Variants in CA10 observed in about 807,000 individuals in gnomAD.
CA10 encodes carbonic anhydrase 10 (inactive), also known as carbonic anhydrase-related protein 10.
In CA10, 14 loss-of-function variants were observed where a neutral mutation model predicts 44.2. The ratio of observed to expected loss-of-function variants is 0.32; its 90% CI spans 0.21 to 0.50. The LOEUF (loss-of-function observed/expected upper bound fraction) is 0.50. CA10 is among the 20% of genes least tolerant of loss of function. CA10 has a pLI of 0.99. For missense variants in CA10, 350 were observed against 409.7 expected (o/e 0.85, Z 1.26); for synonymous variants, 159 against 141.6 (o/e 1.12, Z -0.87).
At chr17:52,081,240 T>TA (rs1987967656) in intron 1 of CA10, among the ~76,000 whole-genome samples, 1 of 152,206 alleles carries the variant, frequency 6.6e-6, no homozygotes, top group South Asian at 2.1e-4. Context: ...TCTGAAATTA[T>TA]GACACTTAAT....
chr17:52,126,508 C>T (rs187037040), intron 1 of CA10, among the ~76,000 whole-genome samples: 25 of 152,214 alleles, frequency 1.6e-4, no homozygotes, highest in Admixed American at 1.3e-3. Context: ...AAAAGTCATG[C>T]GTTTACTGCT....
intron 4 of CA10, among the ~76,000 whole-genome samples, chr17:51,731,752 G>T (rs1288982444): frequency 6.6e-6 from 1 of 150,766 alleles, no homozygotes; most frequent in East Asian, 2.0e-4. Flanking sequence ...ATCTTGGCTT[G>T]TTACAACCTC....
intron 3 of CA10, among the ~76,000 whole-genome samples, chr17:51,835,275 T>A (rs1567855843): frequency 1.3e-5 from 2 of 152,174 alleles, no homozygotes; most frequent in Non-Finnish European, 2.9e-5. Context: ...GCAGATGCTT[T>A]CAGCAGCAGG....
intron 3 of CA10, among the ~76,000 whole-genome samples, chr17:51,893,571 C>T (rs1980950539): frequency 6.6e-6 from 1 of 152,116 alleles, no homozygotes; most frequent in Admixed American, 6.6e-5. Flanking sequence ...ATTCTCTGAC[C>T]TTCAGACTTC....
intron 3 of CA10, among the ~76,000 whole-genome samples, chr17:51,851,000 C>T (rs1978769543): frequency 6.6e-6 from 1 of 152,170 alleles, no homozygotes; most frequent in African/African-American, 2.4e-5. Flanking sequence ...CTGCCCTGAC[C>T]ATTTCTGCAG....
chr17:51,900,902 C>T (rs1482655768), intron 3 of CA10, among the ~76,000 whole-genome samples: 2 of 152,154 alleles, frequency 1.3e-5, no homozygotes, highest in African/African-American at 2.4e-5. Flanking sequence ...TGTCTTTCAG[C>T]TCCTGAATCA....
chr17:51,973,839 C>G (rs1948217700), intron 2 of CA10, among the ~76,000 whole-genome samples: 1 of 152,066 alleles, frequency 6.6e-6, no homozygotes, highest in South Asian at 2.1e-4. Flanking sequence ...AATAAAATAA[C>G]TACTAGAATG....
intron 4 of CA10, among the ~76,000 whole-genome samples, chr17:51,728,006 C>A (rs1916587319): frequency 6.6e-6 from 1 of 152,076 alleles, no homozygotes; most frequent in Non-Finnish European, 1.5e-5. Context: ...CCACCTCAGT[C>A]CCTTGAGTAG....
intron 3 of CA10, among the ~76,000 whole-genome samples, chr17:51,915,340 A>T (rs1176366171): frequency 2.6e-5 from 4 of 152,178 alleles, no homozygotes; most frequent in Non-Finnish European, 2.9e-5. Context: ...AGTCTCTGTT[A>T]TTAATTCACC....
intron 2 of CA10, among the ~76,000 whole-genome samples, chr17:51,979,029 A>G (rs1984559472): frequency 6.6e-6 from 1 of 151,930 alleles, no homozygotes; most frequent in African/African-American, 2.4e-5. Flanking sequence ...CCTGCCTGCC[A>G]CAAACGTTTG....
chr17:52,059,071 T>G (rs1386033712), intron 2 of CA10, among the ~76,000 whole-genome samples: 1 of 152,126 alleles, frequency 6.6e-6, no homozygotes, highest in African/African-American at 2.4e-5. Flanking sequence ...CCTCTCATAC[T>G]GAGAGAATAT....
At chr17:51,985,894 TG>T (rs1387587992) in intron 2 of CA10, among the ~76,000 whole-genome samples, 1 of 151,782 alleles carries the variant, frequency 6.6e-6, no homozygotes, top group African/African-American at 2.4e-5. Context: ...TACTCACGGG[TG>T]GGTAGAATAT....
At chr17:51,897,880 G>A (rs951492818) in intron 3 of CA10, among the ~76,000 whole-genome samples, 1 of 152,040 alleles carries the variant, frequency 6.6e-6, no homozygotes, top group African/African-American at 2.4e-5. Flanking sequence ...TGTTATTGAT[G>A]TATAGAAATG....
At chr17:51,707,717 T>C (rs909662336) in intron 4 of CA10, among the ~76,000 whole-genome samples, 4 of 87,708 alleles carry the variant, frequency 4.6e-5, no homozygotes, top group East Asian at 5.6e-4. Context: ...CTCATGTTCC[T>C]ATCCTTAATC....
At chr17:51,684,578 A>G (rs1364652392) in intron 4 of CA10, among the ~76,000 whole-genome samples, 2 of 152,320 alleles carry the variant, frequency 1.3e-5, no homozygotes, top group Admixed American at 6.5e-5. Flanking sequence ...TACATCGCTG[A>G]CACATCTGGG....
intron 3 of CA10, among the ~76,000 whole-genome samples, chr17:51,799,949 T>A (rs1462858546): frequency 2.0e-5 from 3 of 152,188 alleles, no homozygotes; most frequent in Admixed American, 2.0e-4. Flanking sequence ...TAGAAAACAG[T>A]TTGGAAGTTC....
chr17:51,914,612 G>C (rs1337640329), intron 3 of CA10, among the ~76,000 whole-genome samples: 1 of 152,170 alleles, frequency 6.6e-6, no homozygotes, highest in Non-Finnish European at 1.5e-5. Flanking sequence ...GGTGGTATCA[G>C]AGCACCCACC....
At chr17:51,649,891 A>AAAC (rs1555579438) in intron 5 of CA10, among the ~76,000 whole-genome samples, 2 of 151,362 alleles carry the variant, frequency 1.3e-5, no homozygotes, top group Non-Finnish European at 2.9e-5. Flanking sequence ...AAAAAAAAAA[A>AAAC]CTGAAAAGTA....
chr17:51,643,361 A>G (rs1329430728), intron 6 of CA10, among the ~76,000 whole-genome samples: 1 of 152,208 alleles, frequency 6.6e-6, no homozygotes, highest in Non-Finnish European at 1.5e-5. Flanking sequence ...AATTACCAAT[A>G]TCTCCTCCAG....
Sources: allele counts gnomAD v4.1 joint callset (sites outside exome capture counted in the v4.1 genomes callset), GRCh38; gene constraint gnomAD v4.1.1; transcripts MANE v1.5; gene names NCBI Gene and HGNC (gene_info 2026-07-23, HGNC 2026-07-21).